DNM3: variants seen among roughly 807,000 people sequenced by gnomAD.
DNM3 encodes the protein dynamin 3.
Under a neutral mutation model 101.6 loss-of-function variants are expected in DNM3, and 47 were observed. The ratio of observed to expected loss-of-function variants is 0.46; its 90% confidence interval spans 0.37 to 0.59. The LOEUF (loss-of-function observed/expected upper bound fraction) is 0.59. Ranked by LOEUF, DNM3 falls within the 20% of genes least tolerant of loss-of-function variation. The probability of loss-of-function intolerance (pLI) is 0.00; values close to 1 mark genes in which losing one functional copy is unlikely to be tolerated. For synonymous variants in DNM3, 385 were observed against 387.9 expected (o/e 0.99, Z 0.09); for missense variants, 849 against 1,085.7 (o/e 0.78, Z 3.06).
At chr1:172,043,470 A>T (rs532970302) in intron 8 of DNM3, among the ~76,000 whole-genome samples, 10 of 152,284 alleles carry the variant, frequency 6.6e-5, no homozygotes, top group Admixed American at 1.3e-4. Context: ...TAATTTCATT[A>T]AAAATGTGCT....
At chr1:172,078,251 C>A (rs1055862944) in intron 11 of DNM3, among the ~76,000 whole-genome samples, 10 of 152,128 alleles carry the variant, frequency 6.6e-5, no homozygotes, top group Admixed American at 5.9e-4. Context: ...TGCCACCACA[C>A]CCAGCTAATT....
chr1:172,074,824 T>A (rs1295100041), intron 11 of DNM3, among the ~76,000 whole-genome samples: 1 of 152,228 alleles, frequency 6.6e-6, no homozygotes, highest in Non-Finnish European at 1.5e-5. Flanking sequence ...CCTTTGGGTA[T>A]GTACCCAGTA....
intron 1 of DNM3, among the ~76,000 whole-genome samples, chr1:171,886,008 T>TG (rs1455440142): frequency 1.3e-5 from 2 of 152,096 alleles, no homozygotes. Flanking sequence ...CTGTCAAGAT[T>TG]GGGGGTGGCC....
chr1:172,114,355 G>T (rs893500866), intron 13 of DNM3, among the ~76,000 whole-genome samples: 5 of 152,158 alleles, frequency 3.3e-5, no homozygotes, highest in African/African-American at 1.2e-4. Context: ...GCAAAGAGTG[G>T]AAAGAGATTA....
At chr1:172,321,085 G>T (rs966562115) in intron 16 of DNM3, among the ~76,000 whole-genome samples, 1 of 152,098 alleles carries the variant, frequency 6.6e-6, no homozygotes, top group Non-Finnish European at 1.5e-5. Flanking sequence ...GATGTTTTTA[G>T]GTCGGCTTTG....
intron 2 of DNM3, chr1:171,970,094 C>A: frequency 4.4e-6 from 1 of 229,702 alleles, no homozygotes; most frequent in Non-Finnish European, 7.2e-6. Flanking sequence ...AGCACTTATT[C>A]TTATTTGGCA....
intron 17 of DNM3, among the ~76,000 whole-genome samples, chr1:172,374,713 T>C (rs1355204647): frequency 6.6e-6 from 1 of 152,112 alleles, no homozygotes; most frequent in Non-Finnish European, 1.5e-5. Flanking sequence ...GCTGCTTTCA[T>C]ATTATTTGAA....
At chr1:172,361,005 A>T (rs1286694436) in intron 17 of DNM3, among the ~76,000 whole-genome samples, 1 of 151,972 alleles carries the variant, frequency 6.6e-6, no homozygotes, top group Non-Finnish European at 1.5e-5. Context: ...TACTAAGAAA[A>T]CTGGGGCTAT....
chr1:171,848,989 T>C (rs1357578777), intron 1 of DNM3, among the ~76,000 whole-genome samples: 1 of 152,184 alleles, frequency 6.6e-6, no homozygotes, highest in Non-Finnish European at 1.5e-5. Context: ...CAGTGTGTCA[T>C]TTTTATTTCC....
At chr1:172,062,276 C>T (rs370603297) in intron 10 of DNM3, among the ~76,000 whole-genome samples, 1 of 152,018 alleles carries the variant, frequency 6.6e-6, no homozygotes, top group Non-Finnish European at 1.5e-5. Context: ...TGTTGTTTTG[C>T]CACCATGTCA....
intron 15 of DNM3, among the ~76,000 whole-genome samples, chr1:172,300,992 A>G (rs2064420268): frequency 1.3e-5 from 2 of 152,332 alleles, no homozygotes; most frequent in South Asian, 4.1e-4. Flanking sequence ...GCAGAAGTCA[A>G]TAGGCAGTAT....
At chr1:171,862,167 T>C (rs1257956412) in intron 1 of DNM3, among the ~76,000 whole-genome samples, 1 of 152,178 alleles carries the variant, frequency 6.6e-6, no homozygotes, top group Non-Finnish European at 1.5e-5. Context: ...GAAAACAGTT[T>C]GGCAAATTCC....
At chr1:172,315,933 T>C (rs940790045) in intron 16 of DNM3, among the ~76,000 whole-genome samples, 16 of 151,888 alleles carry the variant, frequency 1.1e-4, no homozygotes, top group Admixed American at 6.6e-4. Flanking sequence ...AGACACATAA[T>C]TGTCAGATTC....
intron 14 of DNM3, among the ~76,000 whole-genome samples, chr1:172,208,633 A>G (rs903938860): frequency 1.3e-5 from 2 of 152,120 alleles, no homozygotes; most frequent in African/African-American, 4.8e-5. Context: ...ATTCATTAAA[A>G]TAAGCTATTT....
chr1:172,043,417 T>C (rs12028055), intron 8 of DNM3, among the ~76,000 whole-genome samples: 56,813 of 151,908 alleles, frequency 0.37, 11,138 homozygotes, highest in East Asian at 0.64. Context: ...AACAGAGAGG[T>C]GAGTGCTTAT....
At chr1:172,079,638 T>C (rs1292571988) in intron 11 of DNM3, among the ~76,000 whole-genome samples, 1 of 152,198 alleles carries the variant, frequency 6.6e-6, no homozygotes, top group Non-Finnish European at 1.5e-5. Flanking sequence ...ATCATACTCA[T>C]TCTTTGTCCA....
chr1:171,910,142 GA>G (rs2039176554), intron 1 of DNM3, among the ~76,000 whole-genome samples: 1 of 152,168 alleles, frequency 6.6e-6, no homozygotes, highest in Non-Finnish European at 1.5e-5. Flanking sequence ...AGAAACAGAT[GA>G]AAAGGTTAAA....
chr1:172,273,879 A>G (rs898808447), intron 15 of DNM3, among the ~76,000 whole-genome samples: 4 of 152,098 alleles, frequency 2.6e-5, no homozygotes, highest in Non-Finnish European at 5.9e-5. Flanking sequence ...TTTGAGGACT[A>G]TTGTGAAATG....
intron 17 of DNM3, among the ~76,000 whole-genome samples, chr1:172,352,258 T>C (rs10911629): frequency 0.076 from 11,589 of 152,230 alleles, 504 homozygotes; most frequent in South Asian, 0.15. Flanking sequence ...GGTAGAGAGA[T>C]TGTATCTTAA....
Sources: gnomAD v4.1 joint callset for allele counts (sites outside exome capture counted in the v4.1 genomes callset) on GRCh38, gnomAD v4.1.1 for gene constraint, MANE v1.5 for transcripts, NCBI Gene and HGNC (gene_info 2026-07-23, HGNC 2026-07-21) for gene names.